Variants in HK2 observed in about 807,000 individuals in gnomAD.
The protein encoded by HK2 is hexokinase-2.
HK2 carries 42 observed loss-of-function variants against 92.9 expected under a neutral mutation model. That is an observed-to-expected ratio of 0.45 (90% CI 0.35 to 0.58). The LOEUF (loss-of-function observed/expected upper bound fraction) is 0.58. Ranked by LOEUF, HK2 falls within the 20% of genes least tolerant of loss-of-function variation. The pLI, the probability that HK2 is intolerant of heterozygous loss-of-function variation, is 0.00. For synonymous variants in HK2, 422 were observed against 468.0 expected (o/e 0.90, Z 1.27); for missense variants, 978 against 1,245.1 (o/e 0.79, Z 3.23).
rs1046857983 is a variant in HK2, at chr2:74,840,735, C to T, written c.63+6092C>T. ...ACAAAAAAAAAAAAAAAAAATTAGC[C>T]GGGCGTGGTGGCAGGCACCTGTAGT... is the stretch of plus-strand genomic sequence containing the variant. On this transcript the variant is annotated intron_variant, in intron 1 of 17. Transcript: ENST00000290573. 8.0e-5 allele frequency among the ~76,000 whole-genome samples: 12 copies of T among 150,000 alleles called. No individual in the cohort carries two copies. The South Asian group carries it at 1.7e-3, about 21-fold the overall frequency.
intron 2 of HK2, among the ~76,000 whole-genome samples, chr2:74,860,852 C>T (rs1688808877): frequency 6.6e-6 from 1 of 152,210 alleles, no homozygotes; most frequent in Non-Finnish European, 1.5e-5. Flanking sequence ...TATACTCCCA[C>T]TAATAATGTA....
At position 74,854,426 on chromosome 2, in the gene HK2, C is replaced by T. The variant is rs760949940; in HGVS notation, c.197C>T (p.Thr66Ile). The T allele has an allele frequency of 6.2e-7, 1 of 1,614,194 alleles. No homozygotes were observed. Among genetic ancestry groups the T allele is most frequent in the South Asian group, 1.1e-5 (1 of 91,088 alleles). Reference protein sequence around the residue: ...HPTAAVKMLPTFVRSTPDGTE... With the variant: ...HPTAAVKMLPIFVRSTPDGTE... ...ACTGCAGCAGTGAAGATGCTGCCCA[C>T]CTTTGTGAGGTCCACTCCAGATGGG... The change falls in exon 2 of 18, where the codon ACC becomes ATC. Residue 66 changes from threonine to isoleucine, a missense_variant. Physicochemically the swap from Thr to Ile is moderately conservative, Grantham distance 89 (BLOSUM62 -1). Transcript: ENST00000290573.
chr2:74,891,063 C>A lies in HK2; in HGVS notation c.*122C>A. On this transcript the variant is annotated 3_prime_UTR_variant, in exon 18 of 18. Transcript: ENST00000290573. ...CTTTTGCTTGGCAGAGAGGACCCCA[C>A]TGGACTGGGTTTTGTCTCTGCATCT... is the stretch of plus-strand genomic sequence containing the variant. The A allele has an allele frequency of 8.5e-7, 1 of 1,178,700 alleles. No individual in the cohort carries two copies. The highest frequency in any genetic ancestry group is 1.2e-6 in the Non-Finnish European group (1 of 823,730). The allele number at this position is 1,178,700 out of a possible 1,614,324, so 73.0% of individuals were successfully genotyped here. A position where few individuals can be genotyped will look rare whatever the true frequency, so the allele number is the denominator to read the frequency against.
intron 1 of HK2, among the ~76,000 whole-genome samples, chr2:74,847,220 C>A (rs937206584): frequency 6.6e-6 from 1 of 152,164 alleles, no homozygotes; most frequent in Non-Finnish European, 1.5e-5. Context: ...TGAATTCAGC[C>A]CTCTACCAGG....
intron 1 of HK2, among the ~76,000 whole-genome samples, chr2:74,847,637 T>G (rs1451998926): frequency 1.3e-5 from 2 of 152,178 alleles, no homozygotes; most frequent in Non-Finnish European, 2.9e-5. Flanking sequence ...CCTAGGAGTT[T>G]GAGGCTGCAG....
At chr2:74,847,578 T>G (rs1688471676) in intron 1 of HK2, among the ~76,000 whole-genome samples, 1 of 152,018 alleles carries the variant, frequency 6.6e-6, no homozygotes, top group African/African-American at 2.4e-5. Flanking sequence ...CTTAGCTACT[T>G]GGGAGGCTGC....
At chr2:74,857,739 T>C (rs867120466) in intron 2 of HK2, among the ~76,000 whole-genome samples, 1 of 152,222 alleles carries the variant, frequency 6.6e-6, no homozygotes, top group Non-Finnish European at 1.5e-5. Context: ...GTATGAGTTA[T>C]GGAATATGGC....
At position 74,886,323 on chromosome 2, in the gene HK2, G is replaced by A. The variant is rs764785988; in HGVS notation, c.1965G>A (p.Val655=). 8 of 1,614,168 alleles carry A rather than the reference G, an allele frequency of 5.0e-6. No individual in the cohort carries two copies. The highest frequency in any genetic ancestry group is 6.8e-6 in the Non-Finnish European group (8 of 1,180,036). The change falls in exon 14 of 18, where the codon GTG becomes GTA. Residue 655 remains valine, a synonymous_variant. Coordinates refer to ENST00000290573, the MANE Select transcript of HK2 (RefSeq NM_000189.5). ...EEFDLDVVAV[V]NDTVGTMMTC... is the part of the protein sequence containing the mutation. ...TTGACCTGGATGTGGTTGCTGTGGT[G>A]AACGACACAGTCGGAACTATGATGA...
intron 2 of HK2, among the ~76,000 whole-genome samples, chr2:74,856,767 G>A (rs1484835921): frequency 6.6e-6 from 1 of 152,202 alleles, no homozygotes; most frequent in Non-Finnish European, 1.5e-5. Context: ...GTGGGAGGCC[G>A]AGTTAGGAAT....
chr2:74,888,848 A>G (rs913146045), intron 16 of HK2, among the ~76,000 whole-genome samples: 2 of 152,180 alleles, frequency 1.3e-5, no homozygotes, highest in African/African-American at 2.4e-5. Flanking sequence ...GAGCAGAAAT[A>G]AAGCACGAGT....
At chr2:74,843,713 T>C (rs1004792463) in intron 1 of HK2, among the ~76,000 whole-genome samples, 3 of 152,174 alleles carry the variant, frequency 2.0e-5, no homozygotes, top group African/African-American at 7.2e-5. Flanking sequence ...CCCTTCCTTC[T>C]GGCATCTCCA....
Position 74,889,241 on chromosome 2 carries a change from C to G in HK2, c.2376-4C>G, listed in dbSNP as rs1045229293. On this transcript the variant is annotated splice_polypyrimidine_tract_variant and splice_region_variant and intron_variant, in intron 16 of 17. Coordinates refer to ENST00000290573, the MANE Select transcript of HK2 (RefSeq NM_000189.5). ...GAACACTTGCTGTCTCCCTCCCACCCCAGTGACTGCCTGGCCCTGCTGCAA... is the reference window on the plus strand; with the variant it reads ...GAACACTTGCTGTCTCCCTCCCACCGCAGTGACTGCCTGGCCCTGCTGCAA... 2 of 1,611,890 alleles carry G rather than the reference C, an allele frequency of 1.2e-6. No individual in the cohort carries two copies. Among genetic ancestry groups the G allele is most frequent in the African/African-American group, 1.3e-5 (1 of 75,004 alleles).
rs549598091 is a variant in HK2 at position 74,855,157 on chromosome 2, C to T, written c.226+702C>T. ...GATTACAGGCATGTGCCACCAAGCCCGGCTAATTTTGTATTTTTAGTAGAG... is the reference window on the plus strand; with the variant it reads ...GATTACAGGCATGTGCCACCAAGCCTGGCTAATTTTGTATTTTTAGTAGAG... On this transcript the variant is annotated intron_variant, in intron 2 of 17. Transcript: ENST00000290573. Among the ~76,000 whole-genome samples the T allele has an allele frequency of 2.6e-3, 388 of 152,126 alleles. 1 individual carries two copies. Among genetic ancestry groups the T allele is most frequent in the Non-Finnish European group, 3.5e-3 (237 of 68,006 alleles).
At chr2:74,852,320 C>T (rs755928581) in intron 1 of HK2, among the ~76,000 whole-genome samples, 1 of 152,198 alleles carries the variant, frequency 6.6e-6, no homozygotes, top group Non-Finnish European at 1.5e-5. Flanking sequence ...CAGTCAGTGT[C>T]TCATTGGATC....
chr2:74,868,690 G>C (rs1027897917), intron 3 of HK2, among the ~76,000 whole-genome samples: 1 of 152,000 alleles, frequency 6.6e-6, no homozygotes. Context: ...CCGTTGCCTC[G>C]ATCTCCTGCC....
At chr2:74,880,668 C>G in intron 10 of HK2, 99 bp downstream of exon 10, 1 of 1,227,142 alleles carries the variant, frequency 8.1e-7, no homozygotes, top group Non-Finnish European at 1.2e-6. Flanking sequence ...GACATTTGAA[C>G]CAGAACACGT....
In HK2 at chr2:74,891,872, TG is replaced by T. The variant is rs1689687920; in HGVS notation, c.*932del. On this transcript the variant is annotated 3_prime_UTR_variant, in exon 18 of 18. Coordinates refer to ENST00000290573, the MANE Select transcript of HK2 (RefSeq NM_000189.5). ...CAAGTCTTGTCAGAATTGGCCTCAGTGTAGTTAAAGGGCAGAAGGGGAAGAT... is the reference window on the plus strand; with the variant it reads ...CAAGTCTTGTCAGAATTGGCCTCAGTTAGTTAAAGGGCAGAAGGGGAAGAT... The T allele has an allele frequency of 6.6e-6, 1 of 152,594 alleles. No homozygotes were observed. The highest frequency in any genetic ancestry group is 6.5e-5 in the Admixed American group (1 of 15,284). The allele number at this position is 152,594 out of a possible 1,614,324, so 9.5% of individuals were successfully genotyped here.
At chr2:74,877,894 T>G (rs1418065620) in intron 8 of HK2, among the ~76,000 whole-genome samples, 1 of 152,198 alleles carries the variant, frequency 6.6e-6, no homozygotes. Context: ...CGTTTACTGT[T>G]CTTGAGATTT....
In HK2 at chr2:74,834,670, G is replaced by T; in HGVS notation, c.63+27G>T. 1 of 1,613,224 alleles carries T rather than the reference G, an allele frequency of 6.2e-7. No homozygotes were observed. The highest frequency in any genetic ancestry group is 8.5e-7 in the Non-Finnish European group (1 of 1,179,186). On this transcript the variant is annotated intron_variant, in intron 1 of 17. Coordinates refer to ENST00000290573, the MANE Select transcript of HK2 (RefSeq NM_000189.5). This position sits in a 1 kb window ranked among gnomAD's most constrained non-coding sequence, Gnocchi z 4.2. ...TAAGTCAGCGCGGGCGGGGCGGCAGGCTGGGCTCTGGCAAAGTGGTCTGGC... is the reference window on the plus strand; with the variant it reads ...TAAGTCAGCGCGGGCGGGGCGGCAGTCTGGGCTCTGGCAAAGTGGTCTGGC...
Sources: allele counts gnomAD v4.1 joint callset (sites outside exome capture counted in the v4.1 genomes callset), GRCh38; gene constraint gnomAD v4.1.1; non-coding constraint Gnocchi (gnomAD v3.1); transcripts MANE v1.5; gene names NCBI Gene and HGNC (gene_info 2026-07-23, HGNC 2026-07-21).